Variants in SPMIP2 observed in about 807,000 individuals in gnomAD.
SPMIP2 encodes the protein sperm microtubule inner protein 2, also known as protein SPMIP2.
At chr4:159,047,248 TCAA>T in the SPMIP2 span, among the ~76,000 whole-genome samples, 1 of 152,196 alleles carries the variant, frequency 6.6e-6, no homozygotes, top group Non-Finnish European at 1.5e-5. Flanking sequence ...AACTGAATAA[TCAA>T]CTTCTAAATA....
the SPMIP2 span, among the ~76,000 whole-genome samples, chr4:158,993,025 T>G: frequency 6.6e-6 from 1 of 152,010 alleles, no homozygotes; most frequent in Non-Finnish European, 1.5e-5. Context: ...CAAGTATGTG[T>G]GTTTCTGTGT....
At chr4:158,943,961 T>C in the SPMIP2 span, among the ~76,000 whole-genome samples, 2 of 148,766 alleles carry the variant, frequency 1.3e-5, no homozygotes, top group African/African-American at 5.0e-5. Flanking sequence ...GTTCAAGTGA[T>C]TGTTCTGCCT....
At chr4:158,938,465 C>G in the SPMIP2 span, among the ~76,000 whole-genome samples, 2 of 152,154 alleles carry the variant, frequency 1.3e-5, no homozygotes, top group Non-Finnish European at 2.9e-5. Flanking sequence ...TACAACCACT[C>G]TACTTGAAGG....
At chr4:159,037,981 TTCTC>T in the SPMIP2 span, among the ~76,000 whole-genome samples, 7 of 148,004 alleles carry the variant, frequency 4.7e-5, no homozygotes, top group South Asian at 2.1e-4. Context: ...CTCTCTCTCT[TTCTC>T]TCTCTCTCTC....
chr4:159,082,317 A>G, the SPMIP2 span, among the ~76,000 whole-genome samples: 2 of 152,038 alleles, frequency 1.3e-5, no homozygotes, highest in African/African-American at 4.8e-5. Context: ...TGGGTGACAG[A>G]GTGAGATTCC....
At chr4:158,911,464 G>A in the SPMIP2 span, among the ~76,000 whole-genome samples, 1 of 152,174 alleles carries the variant, frequency 6.6e-6, no homozygotes, top group Non-Finnish European at 1.5e-5. Context: ...AGATAATTCT[G>A]TGTTCTATAT....
chr4:158,915,073 C>T, the SPMIP2 span: 2 of 1,060,934 alleles, frequency 1.9e-6, no homozygotes, highest in Non-Finnish European at 2.7e-6. Flanking sequence ...AGCTACAAAA[C>T]TGATTATTAG....
chr4:159,070,351 C>T, the SPMIP2 span, among the ~76,000 whole-genome samples: 2 of 152,168 alleles, frequency 1.3e-5, no homozygotes. Flanking sequence ...GTAATATATA[C>T]ACTGGCAAGT....
chr4:158,968,582 C>T, the SPMIP2 span, among the ~76,000 whole-genome samples: 25 of 152,280 alleles, frequency 1.6e-4, no homozygotes, highest in African/African-American at 5.3e-4. Flanking sequence ...TGTATTCCTC[C>T]GAGTCCTTGA....
the SPMIP2 span, among the ~76,000 whole-genome samples, chr4:158,919,134 A>T: frequency 6.6e-6 from 1 of 152,234 alleles, no homozygotes; most frequent in East Asian, 1.9e-4. Context: ...GATACCTGTC[A>T]TCCCCAAGTA....
At chr4:159,042,667 G>A in the SPMIP2 span, among the ~76,000 whole-genome samples, 2 of 151,926 alleles carry the variant, frequency 1.3e-5, no homozygotes, top group Non-Finnish European at 2.9e-5. Flanking sequence ...TTTTTATTTT[G>A]TTTTTGTTTT....
the SPMIP2 span, among the ~76,000 whole-genome samples, chr4:159,075,909 G>T: frequency 6.6e-6 from 1 of 151,574 alleles, no homozygotes; most frequent in East Asian, 1.9e-4. Context: ...ACCATTTACA[G>T]CAGAAAAAAA....
the SPMIP2 span, among the ~76,000 whole-genome samples, chr4:159,015,171 GTC>G: frequency 6.6e-6 from 1 of 152,154 alleles, no homozygotes; most frequent in Non-Finnish European, 1.5e-5. Context: ...TTTTGCCTCT[GTC>G]TCTTTCCCTT....
At chr4:158,952,893 G>A in the SPMIP2 span, among the ~76,000 whole-genome samples, 1 of 152,190 alleles carries the variant, frequency 6.6e-6, no homozygotes, top group Non-Finnish European at 1.5e-5. Context: ...TTGAACTTGA[G>A]AGAGATGATT....
At chr4:158,970,395 C>G in the SPMIP2 span, among the ~76,000 whole-genome samples, 1 of 152,072 alleles carries the variant, frequency 6.6e-6, no homozygotes. Context: ...TTTAAATTAT[C>G]TAGGTGTGGT....
the SPMIP2 span, among the ~76,000 whole-genome samples, chr4:158,932,474 A>G: frequency 6.6e-6 from 1 of 152,100 alleles, no homozygotes; most frequent in Non-Finnish European, 1.5e-5. Flanking sequence ...GTGTCAAAAC[A>G]TACATACATA....
chr4:158,913,022 A>G, the SPMIP2 span, among the ~76,000 whole-genome samples: 1 of 152,158 alleles, frequency 6.6e-6, no homozygotes, highest in South Asian at 2.1e-4. Context: ...AACATCAGAC[A>G]AGCCCATACT....
At chr4:158,952,141 T>C in the SPMIP2 span, among the ~76,000 whole-genome samples, 1 of 152,302 alleles carries the variant, frequency 6.6e-6, no homozygotes, top group African/African-American at 2.4e-5. Flanking sequence ...ATTAACACAC[T>C]GTGAAAGGAA....
the SPMIP2 span, among the ~76,000 whole-genome samples, chr4:158,976,658 C>CTTTTT: frequency 1.3e-4 from 9 of 71,218 alleles, no homozygotes; most frequent in African/African-American, 5.1e-4. Flanking sequence ...GATGGATAAG[C>CTTTTT]ATTTTTTTTT....
Sources: allele counts gnomAD v4.1 joint callset (sites outside exome capture counted in the v4.1 genomes callset), GRCh38; gene constraint gnomAD v4.1.1; transcripts MANE v1.5; gene names NCBI Gene and HGNC (gene_info 2026-07-23, HGNC 2026-07-21).